The following NDUFS4 variants were observed in gnomAD, a reference collection of about 807,000 sequenced individuals.
NDUFS4 encodes NADH dehydrogenase [ubiquinone] iron-sulfur protein 4, mitochondrial.
In NDUFS4, 28 loss-of-function variants were observed where a neutral mutation model predicts 24.3. That is an observed-to-expected ratio of 1.15 (90% CI 0.85 to 1.58). The LOEUF (loss-of-function observed/expected upper bound fraction) is 1.58. Among genes scored for constraint, NDUFS4 ranks in the 40% most tolerant of loss-of-function variants. The pLI is 0.00. For missense variants in NDUFS4, 223 were observed against 207.9 expected, an observed-to-expected ratio of 1.07 and a Z score of -0.45; for synonymous variants, 93 against 69.7, an observed-to-expected ratio of 1.34 and a Z score of -1.67.
intron 2 of NDUFS4, among the ~76,000 whole-genome samples, chr5:53,623,597 C>A (rs1316778814): frequency 2.0e-5 from 3 of 152,062 alleles, no homozygotes; most frequent in African/African-American, 7.2e-5. Flanking sequence ...GTTGCATGTG[C>A]TTTTATTGTC....
At chr5:53,635,259 C>G (rs1489739082) in intron 2 of NDUFS4, among the ~76,000 whole-genome samples, 1 of 151,854 alleles carries the variant, frequency 6.6e-6, no homozygotes, top group Non-Finnish European at 1.5e-5. Context: ...GTGGCTCATG[C>G]CTGTAATCCC....
chr5:53,608,345 G>C (rs1750590781), intron 2 of NDUFS4, among the ~76,000 whole-genome samples: 1 of 152,112 alleles, frequency 6.6e-6, no homozygotes, highest in South Asian at 2.1e-4. Flanking sequence ...GGTGGCTGTG[G>C]TAATTTCTTA....
rs73754285 is a variant in NDUFS4 at position 53,676,562 on chromosome 5, T to G, written c.425-6556T>G. Among the ~76,000 whole-genome samples, 1,096 of 152,284 alleles carry G rather than the reference T, an allele frequency of 7.2e-3. 14 individuals carry two copies. The highest frequency in any genetic ancestry group is 0.025 in the African/African-American group (1,049 of 41,550). On this transcript the variant is annotated intron_variant, in intron 4 of 4. Coordinates refer to ENST00000296684, the MANE Select transcript of NDUFS4 (RefSeq NM_002495.4). ...ATCACAGCTTTCTTGGAACACTAGA[T>G]AACATTTCAGCAGTGTTTGGGGACC...
chr5:53,666,291 G>T (rs1752513201), intron 4 of NDUFS4, among the ~76,000 whole-genome samples: 1 of 152,136 alleles, frequency 6.6e-6, no homozygotes, highest in South Asian at 2.1e-4. Flanking sequence ...TCCCTGGTTA[G>T]TCTTTCTCTA....
At chr5:53,661,661 T>A (rs1752347334) in intron 4 of NDUFS4, among the ~76,000 whole-genome samples, 1 of 152,226 alleles carries the variant, frequency 6.6e-6, no homozygotes, top group Non-Finnish European at 1.5e-5. Flanking sequence ...TTTGTTTGTA[T>A]CCGCTTTTAT....
intron 2 of NDUFS4, among the ~76,000 whole-genome samples, chr5:53,633,976 C>G (rs970019986): frequency 3.3e-5 from 5 of 152,206 alleles, no homozygotes; most frequent in African/African-American, 9.6e-5. Flanking sequence ...GACCTATACT[C>G]AAAAGGTATT....
chr5:53,629,074 T>C (rs1751317994), intron 2 of NDUFS4, among the ~76,000 whole-genome samples: 1 of 152,224 alleles, frequency 6.6e-6, no homozygotes, highest in Admixed American at 6.5e-5. Context: ...TTCTGGTACG[T>C]TGTGTCTTTG....
At chr5:53,618,673 T>G (rs1750931861) in intron 2 of NDUFS4, among the ~76,000 whole-genome samples, 1 of 152,204 alleles carries the variant, frequency 6.6e-6, no homozygotes, top group South Asian at 2.1e-4. Context: ...GGTAGATAGG[T>G]GTATTGCTAT....
intron 1 of NDUFS4, among the ~76,000 whole-genome samples, chr5:53,562,078 A>G (rs1045869848): frequency 6.6e-6 from 1 of 151,548 alleles, no homozygotes; most frequent in Admixed American, 6.6e-5. Context: ...ATCTTGGTTC[A>G]CTGCAACCTC....
intron 4 of NDUFS4, among the ~76,000 whole-genome samples, chr5:53,676,974 A>G (rs1469444805): frequency 6.6e-6 from 1 of 152,136 alleles, no homozygotes; most frequent in Non-Finnish European, 1.5e-5. Flanking sequence ...CGTTCCTGGT[A>G]TATTATAGGT....
chr5:53,682,429 C>T (rs1028383030), intron 4 of NDUFS4, among the ~76,000 whole-genome samples: 1 of 151,780 alleles, frequency 6.6e-6, no homozygotes, highest in Non-Finnish European at 1.5e-5. Flanking sequence ...TTTCCTGGGC[C>T]CCCACCAGAG....
intron 1 of NDUFS4, among the ~76,000 whole-genome samples, chr5:53,598,753 C>T (rs1750213331): frequency 6.6e-6 from 1 of 151,992 alleles, no homozygotes; most frequent in Non-Finnish European, 1.5e-5. Flanking sequence ...TGATAAAAAC[C>T]AGGATTAGAA....
At chr5:53,626,776 A>G (rs532981152) in intron 2 of NDUFS4, among the ~76,000 whole-genome samples, 1 of 151,894 alleles carries the variant, frequency 6.6e-6, no homozygotes, top group African/African-American at 2.4e-5. Context: ...CAGATTCTGG[A>G]TATTAGTCCT....
chr5:53,572,187 C>T (rs142048760), intron 1 of NDUFS4, among the ~76,000 whole-genome samples: 205 of 152,296 alleles, frequency 1.3e-3, no homozygotes, highest in African/African-American at 4.6e-3. Flanking sequence ...CTGGGGGAAA[C>T]AGCAAAGCCA....
chr5:53,641,108 A>G (rs1267645654), intron 2 of NDUFS4, among the ~76,000 whole-genome samples: 2 of 152,140 alleles, frequency 1.3e-5, no homozygotes, highest in African/African-American at 4.8e-5. Context: ...ACGTTGAATA[A>G]ATGAGAAACA....
At chr5:53,661,915 C>G (rs576607164) in intron 4 of NDUFS4, among the ~76,000 whole-genome samples, 1 of 152,110 alleles carries the variant, frequency 6.6e-6, no homozygotes, top group South Asian at 2.1e-4. Context: ...ATGGGGTTTT[C>G]TAGATATACA....
chr5:53,621,690 A>ATTTTTTTTTTTTT (rs58169759), intron 2 of NDUFS4, among the ~76,000 whole-genome samples: 4 of 81,562 alleles, frequency 4.9e-5, no homozygotes, highest in African/African-American at 2.2e-4. Context: ...CTCATAGTAA[A>ATTTTTTTTTTTTT]TTTTTTTTTT....
intron 1 of NDUFS4, among the ~76,000 whole-genome samples, chr5:53,586,435 A>T (rs1397616256): frequency 2.0e-5 from 3 of 152,164 alleles, no homozygotes; most frequent in African/African-American, 7.2e-5. Flanking sequence ...CAGAAAAATG[A>T]TTGCATTAGA....
At chr5:53,592,195 G>T (rs932240663) in intron 1 of NDUFS4, among the ~76,000 whole-genome samples, 1 of 151,912 alleles carries the variant, frequency 6.6e-6, no homozygotes, top group African/African-American at 2.4e-5. Context: ...CAAGTGATCC[G>T]CCCGCCTCGG....
Sources: gnomAD v4.1 joint callset for allele counts (sites outside exome capture counted in the v4.1 genomes callset) on GRCh38, gnomAD v4.1.1 for gene constraint, MANE v1.5 for transcripts, NCBI Gene and HGNC (gene_info 2026-07-23, HGNC 2026-07-21) for gene names.